Variants in BICC1 observed in about 807,000 individuals in gnomAD.
BICC1 encodes the protein BicC family RNA binding protein 1.
Under a neutral mutation model 111.0 loss-of-function variants are expected in BICC1, and 43 were observed. That is an observed-to-expected ratio of 0.39 (90% confidence interval 0.30 to 0.50). The LOEUF is 0.50. Among genes scored for constraint, BICC1 ranks in the 20% least tolerant of loss-of-function variants. The pLI is 0.88. For missense variants in BICC1, 1,091 were observed against 1,203.2 expected, an observed-to-expected ratio of 0.91 and a Z score of 1.38; for synonymous variants, 467 against 434.4, an observed-to-expected ratio of 1.07 and a Z score of -0.93.
At chr10:58,776,690 C>T (rs533554531) in intron 3 of BICC1, among the ~76,000 whole-genome samples, 1 of 152,256 alleles carries the variant, frequency 6.6e-6, no homozygotes, top group East Asian at 1.9e-4. Flanking sequence ...GCCCATCTCC[C>T]TCTCATACTT....
chr10:58,757,187 C>T (rs560163438), intron 3 of BICC1, among the ~76,000 whole-genome samples: 1 of 152,208 alleles, frequency 6.6e-6, no homozygotes, highest in South Asian at 2.1e-4. Flanking sequence ...GTCTGTGGCT[C>T]AGGCATGAAA....
intron 1 of BICC1, among the ~76,000 whole-genome samples, chr10:58,572,454 C>A (rs1589109536): frequency 6.6e-6 from 1 of 152,138 alleles, no homozygotes; most frequent in South Asian, 2.1e-4. Context: ...CTGATATGGA[C>A]AAGCAGTACA....
rs147869679 is a variant in BICC1 at position 58,623,002 on chromosome 10, C to T, written c.237+2101C>T. On this transcript the variant is annotated intron_variant, in intron 2 of 20. Coordinates refer to ENST00000373886, the MANE Select transcript of BICC1 (RefSeq NM_001080512.3). Reference sequence around the variant, plus strand: ...GTGTGCATGACAAAAGTTAAAACCTCTCTTTAGCTGAGTTTAAACTTCAGC... The same window carrying T: ...GTGTGCATGACAAAAGTTAAAACCTTTCTTTAGCTGAGTTTAAACTTCAGC... Among the ~76,000 whole-genome samples the T allele has an allele frequency of 1.3e-4, 20 of 152,262 alleles. No homozygotes were observed. In the East Asian group the frequency reaches 3.3e-3, roughly 25 times the overall value.
chr10:58,532,641 C>T (rs762327309), intron 1 of BICC1, among the ~76,000 whole-genome samples: 3 of 151,754 alleles, frequency 2.0e-5, no homozygotes, highest in East Asian at 1.9e-4. Flanking sequence ...TCATCTTATT[C>T]ATGCCTAACT....
intron 1 of BICC1, among the ~76,000 whole-genome samples, chr10:58,540,140 T>A (rs1175383657): frequency 6.6e-6 from 1 of 151,536 alleles, no homozygotes; most frequent in Non-Finnish European, 1.5e-5. Context: ...AAGAGGGAAG[T>A]TTATAGCAGT....
chr10:58,547,344 C>T (rs1843167813), intron 1 of BICC1, among the ~76,000 whole-genome samples: 1 of 151,988 alleles, frequency 6.6e-6, no homozygotes, highest in East Asian at 1.9e-4. Context: ...ATAAAACATC[C>T]CTTAGTTGGG....
Position 58,798,462 on chromosome 10 carries a change from C to T in BICC1, c.1430C>T (p.Ala477Val), listed in dbSNP as rs148869188. Residue 477 changes from alanine to valine, a missense_variant, in exon 11 of 21, where the codon GCT becomes GTT. Around this residue, in one of 3 missense-constraint regions of BICC1, gnomAD observed 843 missense variants for 900.8 expected, o/e 0.94. Transcript: ENST00000373886. ...TSTTPNSLLN[A>V]LNSSVSPLQS... ...ACAACCCCAAACTCACTCTTGAATGCTCTTAATAGCTCAGTCAGTCCTTTG... is the reference window on the plus strand; with the variant it reads ...ACAACCCCAAACTCACTCTTGAATGTTCTTAATAGCTCAGTCAGTCCTTTG... The T allele has an allele frequency of 4.3e-6, 7 of 1,613,272 alleles. No homozygotes were observed. In the African/African-American group the frequency reaches 8.0e-5, roughly 18 times the overall value.
intron 3 of BICC1, among the ~76,000 whole-genome samples, chr10:58,735,670 C>T (rs971073358): frequency 3.3e-5 from 5 of 152,134 alleles, no homozygotes; most frequent in African/African-American, 4.8e-5. Flanking sequence ...ATTATTCGAT[C>T]GTGTGAAACT....
intron 2 of BICC1, among the ~76,000 whole-genome samples, chr10:58,626,212 G>A (rs10763570): frequency 0.61 from 92,144 of 151,984 alleles, 28,248 homozygotes; most frequent in African/African-American, 0.67. Flanking sequence ...CCCAAGCTTG[G>A]GTAAAGATGA....
At chr10:58,806,741 T>C (rs1277439969) in intron 16 of BICC1, 118 bp downstream of exon 16, 2 of 967,060 alleles carry the variant, frequency 2.1e-6, no homozygotes, top group African/African-American at 3.3e-5. Context: ...CTAGAATATT[T>C]GGGTTCAAGT....
chr10:58,769,376 ATGTGTGTGTG>A (rs71006205), intron 3 of BICC1, among the ~76,000 whole-genome samples: 4 of 73,346 alleles, frequency 5.5e-5, no homozygotes, highest in African/African-American at 1.6e-4. Context: ...TTTATAATGT[ATGTGTGTGTG>A]TGTGTGTGTG....
intron 2 of BICC1, among the ~76,000 whole-genome samples, chr10:58,637,841 A>G (rs1393631143): frequency 1.3e-5 from 2 of 152,202 alleles, no homozygotes; most frequent in Non-Finnish European, 2.9e-5. Flanking sequence ...AAATTGGGAC[A>G]GGCATGGTGG....
chr10:58,793,507 G>GTTT lies in BICC1; in HGVS notation c.1072_1074dup (p.Phe358dup), dbSNP rs746897493. The GTTT allele has an allele frequency of 6.2e-7, 1 of 1,612,356 alleles. No individual in the cohort carries two copies. ...AGGGTTGTCTTCCTCTTGTGTTGATGTTTGATATGAAGGAAGAAATTGAAG... is the reference window on the plus strand; with the variant it reads ...AGGGTTGTCTTCCTCTTGTGTTGATGTTTTTTGATATGAAGGAAGAAATTGAAG... On this transcript the variant is annotated inframe_insertion, in exon 9 of 21. Transcript: ENST00000373886.
intron 18 of BICC1, among the ~76,000 whole-genome samples, chr10:58,816,859 C>T (rs1844110287): frequency 6.6e-6 from 1 of 151,630 alleles, no homozygotes. Context: ...CTGAGAGCCA[C>T]AGACAGTTTG....
intron 1 of BICC1, among the ~76,000 whole-genome samples, chr10:58,519,451 C>T (rs1339681692): frequency 6.6e-6 from 1 of 152,060 alleles, no homozygotes; most frequent in African/African-American, 2.4e-5. Context: ...ATATTTTCCT[C>T]ACAGTGGGCA....
intron 3 of BICC1, among the ~76,000 whole-genome samples, chr10:58,784,061 G>C (rs569577494): frequency 6.6e-6 from 1 of 152,200 alleles, no homozygotes; most frequent in Non-Finnish European, 1.5e-5. Flanking sequence ...TATGAAGTCT[G>C]ATACTCCTCA....
intron 3 of BICC1, among the ~76,000 whole-genome samples, chr10:58,757,340 G>A (rs1740273545): frequency 2.0e-5 from 3 of 152,136 alleles, no homozygotes; most frequent in Non-Finnish European, 2.9e-5. Context: ...TCTATAGGAC[G>A]AGTATTTGAC....
At chr10:58,779,816 C>T (rs1040642915) in intron 3 of BICC1, among the ~76,000 whole-genome samples, 4 of 152,140 alleles carry the variant, frequency 2.6e-5, no homozygotes, top group African/African-American at 9.7e-5. Context: ...CTGGCTTTTC[C>T]TAGCTTTTCC....
chr10:58,796,637 G>A, intron 10 of BICC1, 111 bp downstream of exon 10: 1 of 1,050,874 alleles, frequency 9.5e-7, no homozygotes, highest in Non-Finnish European at 1.3e-6. Context: ...TTTTCCTTTG[G>A]GCTCTAAGAT....
Sources: gnomAD v4.1 joint callset for allele counts (sites outside exome capture counted in the v4.1 genomes callset) on GRCh38, gnomAD v4.1.1 for gene constraint, gnomAD v4.1.1 regional missense constraint, MANE v1.5 for transcripts, NCBI Gene and HGNC (gene_info 2026-07-23, HGNC 2026-07-21) for gene names.